The following ARRB1 variants were observed in gnomAD, a reference collection of about 807,000 sequenced individuals.
The protein encoded by ARRB1 is beta-arrestin-1.
ARRB1 carries 21 observed loss-of-function variants against 56.8 expected under a neutral mutation model. That is an observed-to-expected ratio of 0.37 (90% confidence interval 0.26 to 0.53). The LOEUF (loss-of-function observed/expected upper bound fraction) is 0.53. ARRB1 is among the 20% of genes least tolerant of loss of function. ARRB1 has a pLI of 0.88. For synonymous variants in ARRB1, 210 were observed against 218.6 expected (o/e 0.96, Z 0.35); for missense variants, 424 against 553.7 (o/e 0.77, Z 2.35).
At chr11:75,347,792 C>T (rs1195726345) in intron 1 of ARRB1, among the ~76,000 whole-genome samples, 4 of 152,306 alleles carry the variant, frequency 2.6e-5, no homozygotes, top group Admixed American at 6.5e-5. Context: ...TGAGATTATG[C>T]GTGTAATTCT....
At chr11:75,346,489 T>C (rs1303785208) in intron 1 of ARRB1, among the ~76,000 whole-genome samples, 1 of 151,586 alleles carries the variant, frequency 6.6e-6, no homozygotes, top group African/African-American at 2.4e-5. Context: ...CCTCACGCCC[T>C]TCCTCCAAGA....
chr11:75,296,185 CAAAAAAAAAA>C (rs11428462), intron 1 of ARRB1, among the ~76,000 whole-genome samples: 4 of 84,886 alleles, frequency 4.7e-5, no homozygotes, highest in African/African-American at 9.8e-5. Flanking sequence ...GACTTTGTCT[CAAAAAAAAAA>C]AAAAAAAAAA....
intron 1 of ARRB1, among the ~76,000 whole-genome samples, chr11:75,300,595 GC>G (rs1408398458): frequency 6.6e-6 from 1 of 152,206 alleles, no homozygotes; most frequent in African/African-American, 2.4e-5. Context: ...ACTTTGGGAG[GC>G]CGAGGTGGGC....
At chr11:75,267,868 C>G (rs111523925) in intron 14 of ARRB1, among the ~76,000 whole-genome samples, 165 bp from the exon 15 acceptor site, 10 of 152,150 alleles carry the variant, frequency 6.6e-5, no homozygotes, top group African/African-American at 1.9e-4. Flanking sequence ...ACTGAAACAC[C>G]CCAAATCATC....
intron 7 of ARRB1, 76 bp downstream of exon 7, chr11:75,280,999 A>G (rs974466306): frequency 2.7e-6 from 4 of 1,485,684 alleles, no homozygotes; most frequent in South Asian, 1.2e-5. Flanking sequence ...ATTGTTACTT[A>G]TCTCCTCTTG....
intron 1 of ARRB1, among the ~76,000 whole-genome samples, chr11:75,308,881 C>G (rs1220329302): frequency 6.6e-6 from 1 of 152,182 alleles, no homozygotes; most frequent in Non-Finnish European, 1.5e-5. Flanking sequence ...ATTACAGGTA[C>G]ATGCCATCAT....
chr11:75,312,016 TCG>T (rs1947172572), intron 1 of ARRB1: 1 of 1,283,932 alleles, frequency 7.8e-7, no homozygotes, highest in Non-Finnish European at 1.0e-6. Context: ...AAGGCCCAGA[TCG>T]GAGGCCCTGC....
chr11:75,278,630 T>C lies in ARRB1; in HGVS notation c.597A>G (p.Leu199=), dbSNP rs1591906076. ...CTACCTCCTTATCCAGAGAGGCTTC[T>C]AGGTGCAAGGGCTTGTCCGACATGA... ...QFLMSDKPLH[L]EASLDKEIYY... is the part of the protein sequence containing the mutation. The change falls in exon 8 of 16, where the codon CTA becomes CTG. Residue 199 remains leucine (L), a synonymous_variant. Coordinates refer to ENST00000420843, the MANE Select transcript of ARRB1 (RefSeq NM_004041.5). The C allele has an allele frequency of 6.2e-7, 1 of 1,614,010 alleles. No individual in the cohort carries two copies. Among genetic ancestry groups the C allele is most frequent in the African/African-American group, 1.3e-5 (1 of 74,922 alleles).
chr11:75,316,153 C>A (rs1313991637), intron 1 of ARRB1, among the ~76,000 whole-genome samples: 1 of 152,056 alleles, frequency 6.6e-6, no homozygotes, highest in Non-Finnish European at 1.5e-5. Flanking sequence ...CATGGTGAAA[C>A]CCCGTCTCTA....
At chr11:75,298,667 A>G (rs1469376522) in intron 1 of ARRB1, among the ~76,000 whole-genome samples, 1 of 152,224 alleles carries the variant, frequency 6.6e-6, no homozygotes, top group Non-Finnish European at 1.5e-5. Flanking sequence ...CATATGACCC[A>G]GTAAGTCCCC....
intron 1 of ARRB1, among the ~76,000 whole-genome samples, chr11:75,339,358 T>C (rs1001633667): frequency 1.3e-5 from 2 of 152,250 alleles, no homozygotes; most frequent in African/African-American, 4.8e-5. Context: ...ACACTTACTG[T>C]GATGCCCTGT....
chr11:75,322,908 T>C (rs1279201873), intron 1 of ARRB1, among the ~76,000 whole-genome samples: 1 of 152,148 alleles, frequency 6.6e-6, no homozygotes. Context: ...ATTACAACAG[T>C]GTCTACTTCC....
At chr11:75,348,307 G>A (rs1947802367) in intron 1 of ARRB1, among the ~76,000 whole-genome samples, 1 of 152,178 alleles carries the variant, frequency 6.6e-6, no homozygotes, top group African/African-American at 2.4e-5. Flanking sequence ...AAGCTCAGTA[G>A]TTCCAACGCC....
intron 1 of ARRB1, among the ~76,000 whole-genome samples, chr11:75,305,077 G>A (rs1177005698): frequency 6.9e-5 from 8 of 116,110 alleles, no homozygotes; most frequent in Non-Finnish European, 1.1e-4. Flanking sequence ...AGGCTAGAAT[G>A]TGGAATGCAG....
At chr11:75,281,869 C>T (rs1458954919) in intron 6 of ARRB1, 93 bp downstream of exon 6, 1 of 1,307,994 alleles carries the variant, frequency 7.6e-7, no homozygotes, top group Non-Finnish European at 1.1e-6. Context: ...GGAGAGTGGT[C>T]CTGTGTGTCC....
intron 1 of ARRB1, among the ~76,000 whole-genome samples, chr11:75,327,280 T>C (rs7112048): frequency 0.61 from 83,146 of 135,526 alleles, 25,586 homozygotes; most frequent in African/African-American, 0.74. Context: ...CCAGCCTGGG[T>C]GACAGAGCGA....
At chr11:75,295,197 G>A (rs1309692486) in intron 1 of ARRB1, among the ~76,000 whole-genome samples, 1 of 142,530 alleles carries the variant, frequency 7.0e-6, no homozygotes, top group South Asian at 2.3e-4. Context: ...ACTTGAGCCT[G>A]GGTGACAGAG....
chr11:75,321,654 C>T (rs995362704), intron 1 of ARRB1, among the ~76,000 whole-genome samples: 1 of 152,124 alleles, frequency 6.6e-6, no homozygotes, highest in East Asian at 1.9e-4. Context: ...CAAGTGACCT[C>T]CCCTCACTCA....
At chr11:75,314,788 G>T (rs986977015) in intron 1 of ARRB1, among the ~76,000 whole-genome samples, 1 of 151,162 alleles carries the variant, frequency 6.6e-6, no homozygotes, top group African/African-American at 2.4e-5. Context: ...TGTATTTTTT[G>T]TAGCGATGGG....
Sources: allele counts gnomAD v4.1 joint callset (sites outside exome capture counted in the v4.1 genomes callset), GRCh38; gene constraint gnomAD v4.1.1; transcripts MANE v1.5; gene names NCBI Gene and HGNC (gene_info 2026-07-23, HGNC 2026-07-21).